GABRB2: variants seen among roughly 807,000 people sequenced by gnomAD.
GABRB2 encodes the protein gamma-aminobutyric acid type A receptor subunit beta2.
Under a neutral mutation model 54.7 loss-of-function variants are expected in GABRB2, and 16 were observed. The observed-to-expected ratio is 0.29, with a 90% CI of 0.20 to 0.44. The LOEUF is 0.44. Among genes scored for constraint, GABRB2 ranks in the 20% least tolerant of loss-of-function variants. GABRB2 has a pLI of 1.00. For missense variants in GABRB2, 355 were observed against 644.0 expected, an observed-to-expected ratio of 0.55 and a Z score of 4.86; for synonymous variants, 244 against 233.8, an observed-to-expected ratio of 1.04 and a Z score of -0.40.
Position 161,454,664 on chromosome 5 carries a change from T to A in GABRB2, c.458+4960A>T, listed in dbSNP as rs1046636454. On this transcript the variant is annotated intron_variant, in intron 4 of 9. Coordinates refer to ENST00000393959, the MANE Select transcript of GABRB2 (RefSeq NM_001371727.1). ...TGATTTCATTTTTTATTCTCATAGA[T>A]TATACATTATTTTACACTGATTGAT... Among the ~76,000 whole-genome samples the A allele has an allele frequency of 2.0e-5, 3 of 152,354 alleles. No homozygotes were observed. The South Asian group carries it at 6.2e-4, about 32-fold the overall frequency.
intron 3 of GABRB2, among the ~76,000 whole-genome samples, chr5:161,466,920 T>A (rs1758297895): frequency 6.6e-6 from 1 of 152,100 alleles, no homozygotes; most frequent in Admixed American, 6.6e-5. Flanking sequence ...AATAAAATTA[T>A]GTATTTTTCC....
At chr5:161,336,248 A>G (rs1753986585) in intron 6 of GABRB2, among the ~76,000 whole-genome samples, 2 of 152,174 alleles carry the variant, frequency 1.3e-5, no homozygotes, top group African/African-American at 4.8e-5. Flanking sequence ...TCAGACTTGA[A>G]TGAACTGCAA....
chr5:161,306,554 G>A (rs1163445655), intron 9 of GABRB2, among the ~76,000 whole-genome samples: 2 of 152,168 alleles, frequency 1.3e-5, no homozygotes, highest in Admixed American at 1.3e-4. Flanking sequence ...CAGAGAAGCA[G>A]CAGCCTTCTT....
chr5:161,304,810 ATGAAT>A (rs909357377), intron 9 of GABRB2, among the ~76,000 whole-genome samples: 4 of 151,974 alleles, frequency 2.6e-5, no homozygotes, highest in Non-Finnish European at 5.9e-5. Flanking sequence ...AAAATGCATG[ATGAAT>A]TGAATAATTT....
chr5:161,452,625 A>G (rs1757821177), intron 4 of GABRB2, among the ~76,000 whole-genome samples: 1 of 152,184 alleles, frequency 6.6e-6, no homozygotes, highest in Non-Finnish European at 1.5e-5. Flanking sequence ...CAACAGAAGC[A>G]CAAACCCCAG....
intron 3 of GABRB2, among the ~76,000 whole-genome samples, chr5:161,510,343 G>T (rs62381580): frequency 0.19 from 28,285 of 151,240 alleles, 3,376 homozygotes; most frequent in Non-Finnish European, 0.27. Flanking sequence ...TAATAAGTGA[G>T]AACATGCGAC....
At chr5:161,434,258 A>T (rs1482084628) in intron 4 of GABRB2, among the ~76,000 whole-genome samples, 1 of 152,214 alleles carries the variant, frequency 6.6e-6, no homozygotes, top group Admixed American at 6.5e-5. Flanking sequence ...GAAAATTTTC[A>T]TTGCAATAAT....
At chr5:161,310,130 T>C (rs1757818390) in intron 9 of GABRB2, among the ~76,000 whole-genome samples, 1 of 151,966 alleles carries the variant, frequency 6.6e-6, no homozygotes, top group Non-Finnish European at 1.5e-5. Context: ...CATGGTCACA[T>C]TGAGGGGAAC....
chr5:161,353,870 C>T lies in GABRB2; in HGVS notation c.542-17101G>A, dbSNP rs529671672. On this transcript the variant is annotated intron_variant, in intron 5 of 9. Coordinates refer to ENST00000393959, the MANE Select transcript of GABRB2 (RefSeq NM_001371727.1). ...AGTACTAAAAGTTATTTCTTTAGTC[C>T]CCAAGGATTGTGCAATTGCAGATAA... Among the ~76,000 whole-genome samples the T allele has an allele frequency of 7.2e-5, 11 of 151,878 alleles. No individual in the cohort carries two copies. In the South Asian group the frequency reaches 2.3e-3, roughly 32 times the overall value.
At chr5:161,452,841 C>T (rs1289866219) in intron 4 of GABRB2, among the ~76,000 whole-genome samples, 1 of 152,052 alleles carries the variant, frequency 6.6e-6, no homozygotes, top group African/African-American at 2.4e-5. Flanking sequence ...AAAAATGATA[C>T]AAGAAATACC....
intron 3 of GABRB2, among the ~76,000 whole-genome samples, chr5:161,509,765 A>T (rs1759709689): frequency 6.6e-6 from 1 of 151,944 alleles, no homozygotes; most frequent in Non-Finnish European, 1.5e-5. Flanking sequence ...TATTGCGTGA[A>T]TAGGAATCCT....
intron 8 of GABRB2, among the ~76,000 whole-genome samples, chr5:161,327,389 AT>A (rs1280429810): frequency 6.6e-6 from 1 of 151,660 alleles, no homozygotes; most frequent in African/African-American, 2.4e-5. Context: ...TTTATTTTTT[AT>A]TTTATTTTAT....
chr5:161,325,487 T>G (rs1051862599), intron 9 of GABRB2, among the ~76,000 whole-genome samples: 4 of 152,104 alleles, frequency 2.6e-5, no homozygotes, highest in Non-Finnish European at 5.9e-5. Context: ...ACAACAATGA[T>G]GTATTAAAGA....
At chr5:161,546,784 C>T (rs141745865), upstream of GABRB2, 770 of 1,422,768 alleles carry the variant, frequency 5.4e-4, 6 homozygotes, top group East Asian at 0.02. Flanking sequence ...TGCCGGGGAC[C>T]GAGCAGATTT....
At chr5:161,396,017 T>C (rs1162286783) in intron 5 of GABRB2, among the ~76,000 whole-genome samples, 1 of 152,150 alleles carries the variant, frequency 6.6e-6, no homozygotes, top group Non-Finnish European at 1.5e-5. Flanking sequence ...CTGCATTCTA[T>C]AACCAAAGAA....
At chr5:161,507,830 T>A (rs558138740) in intron 3 of GABRB2, among the ~76,000 whole-genome samples, 1 of 152,170 alleles carries the variant, frequency 6.6e-6, no homozygotes, top group South Asian at 2.1e-4. Context: ...CTAGAATGGC[T>A]AAATTTATAA....
chr5:161,489,469 A>T (rs538064401), intron 3 of GABRB2, among the ~76,000 whole-genome samples: 2 of 151,714 alleles, frequency 1.3e-5, no homozygotes, highest in African/African-American at 4.8e-5. Flanking sequence ...GAGGAAAACA[A>T]AAGACAAACA....
intron 4 of GABRB2, among the ~76,000 whole-genome samples, chr5:161,450,904 A>G (rs1484176941): frequency 6.6e-6 from 1 of 152,164 alleles, no homozygotes; most frequent in Non-Finnish European, 1.5e-5. Context: ...GAAGACTGGC[A>G]AAATTTAGAG....
At chr5:161,471,097 C>T (rs983309430) in intron 3 of GABRB2, among the ~76,000 whole-genome samples, 1 of 151,908 alleles carries the variant, frequency 6.6e-6, no homozygotes, top group Non-Finnish European at 1.5e-5. Flanking sequence ...TTTCAAACAC[C>T]CTCAGAGCTA....
Sources: allele counts gnomAD v4.1 joint callset (sites outside exome capture counted in the v4.1 genomes callset), GRCh38; gene constraint gnomAD v4.1.1; transcripts MANE v1.5; gene names NCBI Gene and HGNC (gene_info 2026-07-23, HGNC 2026-07-21).